The following DLGAP3 variants were observed in gnomAD, a reference collection of about 807,000 sequenced individuals.
The protein encoded by DLGAP3 is disks large-associated protein 3.
DLGAP3 carries 17 observed loss-of-function variants against 81.2 expected under a neutral mutation model. That is an observed-to-expected ratio of 0.21 (90% CI 0.14 to 0.31). DLGAP3 has a LOEUF of 0.31. Ranked by LOEUF, DLGAP3 falls within the 10% of genes least tolerant of loss-of-function variation. DLGAP3 has a pLI of 1.00. For synonymous variants in DLGAP3, 577 were observed against 587.4 expected (o/e 0.98, Z 0.26); for missense variants, 1,124 against 1,388.0 (o/e 0.81, Z 3.02).
At chr1:34,891,949 C>T (rs1312194719) in intron 5 of DLGAP3, among the ~76,000 whole-genome samples, 1 of 152,142 alleles carries the variant, frequency 6.6e-6, no homozygotes, top group Non-Finnish European at 1.5e-5. Context: ...AGAATTACTA[C>T]AATATATTAT....
intron 1 of DLGAP3, among the ~76,000 whole-genome samples, chr1:34,924,857 C>G (rs72894148): frequency 0.019 from 2,952 of 152,280 alleles, 92 homozygotes; most frequent in African/African-American, 0.067. Context: ...GGGAGAACTC[C>G]AAATCCATAT....
chr1:34,888,661 T>C (rs1208321369), intron 5 of DLGAP3, among the ~76,000 whole-genome samples: 1 of 152,216 alleles, frequency 6.6e-6, no homozygotes, highest in African/African-American at 2.4e-5. Flanking sequence ...TCCCAGGCCA[T>C]GGAAAATCAA....
chr1:34,885,954 C>A, intron 6 of DLGAP3, 118 bp downstream of exon 6: 3 of 1,221,010 alleles, frequency 2.5e-6, no homozygotes, highest in Middle Eastern at 2.8e-4. Flanking sequence ...TCCCCGTCAT[C>A]CGACCCCGGG....
rs769530242 is a variant in DLGAP3 at position 34,885,577 on chromosome 1, G to T, written c.1815C>A (p.Ser605Arg). The T allele has an allele frequency of 6.2e-7, 1 of 1,602,376 alleles. No individual in the cohort carries two copies. Among genetic ancestry groups the T allele is most frequent in the Non-Finnish European group, 8.5e-7 (1 of 1,178,226 alleles). Residue 605 changes from serine (S) to arginine (R), a missense_variant, in exon 7 of 12, where the codon AGC (serine) becomes AGA (arginine). Ser to Arg is a moderately radical substitution (Grantham distance 110). Around this residue, in one of 9 missense-constraint regions of DLGAP3, gnomAD observed 379 missense variants for 455.7 expected, o/e 0.83. Coordinates refer to ENST00000373347, the MANE Select transcript of DLGAP3 (RefSeq NM_001080418.3). ...LELAPVPPRA[S>R]PKPPTLIIKT... ...TGATGATGAGTGTGGGGGGCTTGGGGCTGGCCCGGGGCGGCACCGGCGCCA... is the reference window on the plus strand; with the variant it reads ...TGATGATGAGTGTGGGGGGCTTGGGTCTGGCCCGGGGCGGCACCGGCGCCA...
At chr1:34,888,436 C>T (rs1021884971) in intron 5 of DLGAP3, among the ~76,000 whole-genome samples, 10 of 152,156 alleles carry the variant, frequency 6.6e-5, no homozygotes, top group Non-Finnish European at 1.5e-4. Flanking sequence ...TCTTGGGGAG[C>T]TTGTTAAACC....
intron 8 of DLGAP3, among the ~76,000 whole-genome samples, chr1:34,872,934 T>A (rs994227817): frequency 6.6e-6 from 1 of 152,204 alleles, no homozygotes; most frequent in Non-Finnish European, 1.5e-5. Context: ...TTTGTGATAA[T>A]GTTTCAGCAG....
intron 8 of DLGAP3, among the ~76,000 whole-genome samples, chr1:34,882,822 C>T (rs1182847022): frequency 6.6e-6 from 1 of 152,190 alleles, no homozygotes; most frequent in Non-Finnish European, 1.5e-5. Context: ...TAACCTGCCC[C>T]TGCCTGTTCT....
intron 1 of DLGAP3, among the ~76,000 whole-genome samples, chr1:34,914,300 C>T (rs543511745): frequency 1.3e-5 from 2 of 152,356 alleles, no homozygotes; most frequent in African/African-American, 4.8e-5. Context: ...CCAGCCTTTT[C>T]TCAGCTATCT....
At chr1:34,870,797 C>A (rs1380487222) in intron 8 of DLGAP3, among the ~76,000 whole-genome samples, 1 of 152,230 alleles carries the variant, frequency 6.6e-6, no homozygotes, top group African/African-American at 2.4e-5. Flanking sequence ...TCAGATACCT[C>A]TGCCTCCATC....
chr1:34,895,615 A>C lies in DLGAP3; in HGVS notation c.1386+4054T>G, dbSNP rs1353523195. ...TGTGTATATGCAAAGGAAACACAAA[A>C]CACAAAGCAGTCTTTAAAAGGAGTA... On this transcript the variant is annotated intron_variant, in intron 5 of 11. Transcript: ENST00000373347. This position sits in a 1 kb window ranked among gnomAD's most constrained non-coding sequence, Gnocchi z 4.5. Among the ~76,000 whole-genome samples, 2 of 152,120 alleles carry C rather than the reference A, an allele frequency of 1.3e-5. No homozygotes were observed. Among genetic ancestry groups the C allele is most frequent in the Non-Finnish European group, 2.9e-5 (2 of 68,018 alleles).
At chr1:34,880,906 G>A (rs1421090867) in intron 8 of DLGAP3, among the ~76,000 whole-genome samples, 1 of 152,066 alleles carries the variant, frequency 6.6e-6, no homozygotes, top group Admixed American at 6.5e-5. Flanking sequence ...AACTGAAGCT[G>A]TAGTTTTAAA....
At chr1:34,913,749 C>T (rs1002702760) in intron 1 of DLGAP3, among the ~76,000 whole-genome samples, 4 of 152,146 alleles carry the variant, frequency 2.6e-5, no homozygotes, top group African/African-American at 7.2e-5. Flanking sequence ...CCTTGCTGCC[C>T]TCACCCACTC....
Position 34,900,143 on chromosome 1 carries a change from G to A in DLGAP3, c.1238C>T (p.Pro413Leu), listed in dbSNP as rs1639433231. Reference sequence around the variant, plus strand: ...GGCGACTGCTTTGGGAGATGTCTTGGGGCTGCCGTCTGAGTCTCCGCTCTC... The same window carrying A: ...GGCGACTGCTTTGGGAGATGTCTTGAGGCTGCCGTCTGAGTCTCCGCTCTC... Reference protein sequence around the residue: ...DEESGDSDGSPKTSPKAVARR... With the variant: ...DEESGDSDGSLKTSPKAVARR... The change falls in exon 4 of 12, where the codon CCC becomes CTC. Residue 413 changes from proline to leucine, a missense_variant. By Grantham distance (98) the Pro-to-Leu change is moderately conservative (BLOSUM62 -3). Coordinates refer to ENST00000373347, the MANE Select transcript of DLGAP3 (RefSeq NM_001080418.3). This position sits in a 1 kb window ranked among gnomAD's most constrained non-coding sequence, Gnocchi z 5.6. The A allele has an allele frequency of 6.2e-7, 1 of 1,614,014 alleles. No homozygotes were observed. The highest frequency in any genetic ancestry group is 1.3e-5 in the African/African-American group (1 of 75,038).
chr1:34,899,897 G>A (rs1639429171), intron 4 of DLGAP3, among the ~76,000 whole-genome samples, 156 bp from the exon 5 acceptor site: 1 of 151,616 alleles, frequency 6.6e-6, no homozygotes, highest in South Asian at 2.1e-4. Context: ...TCCCAAAGAG[G>A]CACCAGAGAA....
At chr1:34,903,828 CAT>C (rs755810797) in intron 3 of DLGAP3, among the ~76,000 whole-genome samples, 2 of 152,240 alleles carry the variant, frequency 1.3e-5, no homozygotes, top group Non-Finnish European at 2.9e-5. Flanking sequence ...CATATTCAAA[CAT>C]GTGGGCCATC....
intron 1 of DLGAP3, among the ~76,000 whole-genome samples, chr1:34,920,092 C>G (rs533235857): frequency 2.0e-5 from 3 of 152,310 alleles, no homozygotes; most frequent in East Asian, 3.9e-4. Context: ...TGGGCCATGC[C>G]TGAGCTCTCC....
chr1:34,887,860 T>C (rs1456221239), intron 5 of DLGAP3, among the ~76,000 whole-genome samples: 1 of 152,184 alleles, frequency 6.6e-6, no homozygotes, highest in East Asian at 1.9e-4. Context: ...TTGAGGGGAC[T>C]GAAAGAAAAA....
At chr1:34,882,362 C>T (rs1415564280) in intron 8 of DLGAP3, among the ~76,000 whole-genome samples, 1 of 152,088 alleles carries the variant, frequency 6.6e-6, no homozygotes, top group Non-Finnish European at 1.5e-5. Context: ...CCTGTAATCC[C>T]AGGTACTTGA....
At chr1:34,917,102 T>G (rs1030068624) in intron 1 of DLGAP3, among the ~76,000 whole-genome samples, 4 of 152,100 alleles carry the variant, frequency 2.6e-5, no homozygotes, top group African/African-American at 9.7e-5. Context: ...TCAGGAAACC[T>G]TCCATCTCTG....
Sources: allele counts gnomAD v4.1 joint callset (sites outside exome capture counted in the v4.1 genomes callset), GRCh38; gene constraint gnomAD v4.1.1; regional missense constraint gnomAD v4.1.1; non-coding constraint Gnocchi (gnomAD v3.1); transcripts MANE v1.5; gene names NCBI Gene and HGNC (gene_info 2026-07-23, HGNC 2026-07-21).